TRPV1: variants seen among roughly 807,000 people sequenced by gnomAD.
TRPV1 encodes transient receptor potential cation channel subfamily V member 1.
A neutral mutation model predicts 82.3 loss-of-function variants in TRPV1; 82 were observed. That is an observed-to-expected ratio of 1.00 (90% CI 0.83 to 1.20). The LOEUF (loss-of-function observed/expected upper bound fraction) is 1.20, where lower values mean the gene tolerates loss of function less well. TRPV1 is among the 50% of genes most tolerant of loss of function. The pLI is 0.00. For synonymous variants in TRPV1, 515 were observed against 467.7 expected (o/e 1.10, Z -1.30); for missense variants, 1,067 against 1,096.8 (o/e 0.97, Z 0.38).
chr17:3,587,948 G>T (rs2075104570), intron 8 of TRPV1, among the ~76,000 whole-genome samples: 2 of 152,200 alleles, frequency 1.3e-5, no homozygotes, highest in African/African-American at 4.8e-5. Flanking sequence ...TAAAAGGAGG[G>T]TCCTTTTGTC....
Position 3,573,655 on chromosome 17 carries a change from C to A in TRPV1, c.2081G>T (p.Ser694Ile), listed in dbSNP as rs895233659. The stretch of plus-strand genomic sequence containing the variant: ...CACCTGCAGCTTCCAGATGTTCTTG[C>A]TCTCCTGTGCGATCTTGTTGACAGT... Reference protein sequence around the residue: ...GETVNKIAQESKNIWKLQRAI... With the variant: ...GETVNKIAQEIKNIWKLQRAI... Residue 694 changes from serine to isoleucine, a missense_variant, in exon 14 of 17, where the codon AGC becomes ATC. Ser to Ile is a moderately radical substitution (Grantham distance 142). Transcript: ENST00000572705. 1.2e-6 allele frequency: 2 copies of A among 1,613,294 alleles called. No individual in the cohort carries two copies. Among genetic ancestry groups the A allele is most frequent in the African/African-American group, 1.3e-5 (1 of 74,790 alleles).
chr17:3,597,455 C>T (rs987897311), intron 2 of TRPV1, among the ~76,000 whole-genome samples: 6 of 152,120 alleles, frequency 3.9e-5, no homozygotes, highest in African/African-American at 1.4e-4. Flanking sequence ...TGCTGCCCGC[C>T]ACACAGTACT....
In TRPV1 at chr17:3,591,370, A is replaced by G; in HGVS notation, c.285-17T>C. 6.4e-7 allele frequency: 1 copy of G among 1,553,712 alleles called. No individual in the cohort carries two copies. The highest frequency in any genetic ancestry group is 8.7e-7 in the Non-Finnish European group (1 of 1,152,960). ...GACAGCAGCCTGTGGGCCAGAAAAC[A>G]CGCTCGTCTCATACCCTGGCCTCCC... On this transcript the variant is annotated splice_polypyrimidine_tract_variant and intron_variant, in intron 3 of 16. Transcript: ENST00000572705.
intron 2 of TRPV1, among the ~76,000 whole-genome samples, chr17:3,606,580 G>A (rs2075297676): frequency 6.6e-6 from 1 of 152,164 alleles, no homozygotes. Flanking sequence ...TCAGAAGCAT[G>A]CCGGCCTCAA....
chr17:3,586,371 G>A (rs1225657796), intron 8 of TRPV1, among the ~76,000 whole-genome samples: 2 of 152,224 alleles, frequency 1.3e-5, no homozygotes, highest in African/African-American at 4.8e-5. Context: ...AGGGCGGCAG[G>A]GAGGCAGGGA....
intron 15 of TRPV1, 93 bp from the exon 16 acceptor site, chr17:3,571,732 A>T (rs1298497842): frequency 7.2e-6 from 7 of 969,974 alleles, no homozygotes; most frequent in African/African-American, 3.2e-5. Context: ...AAACCCACCC[A>T]TCAGGATGGA....
At chr17:3,587,905 A>G (rs963103978) in intron 8 of TRPV1, among the ~76,000 whole-genome samples, 1 of 152,172 alleles carries the variant, frequency 6.6e-6, no homozygotes, top group Non-Finnish European at 1.5e-5. Context: ...TCATTTATGT[A>G]AACAAAATGA....
intron 2 of TRPV1, among the ~76,000 whole-genome samples, chr17:3,601,029 C>A (rs375300345): frequency 6.6e-6 from 1 of 152,094 alleles, no homozygotes; most frequent in Non-Finnish European, 1.5e-5. Flanking sequence ...GCCCCCTCCC[C>A]CCAGCATAAC....
At chr17:3,573,106 G>GA (rs2150827210) in intron 14 of TRPV1, among the ~76,000 whole-genome samples, 1 of 152,154 alleles carries the variant, frequency 6.6e-6, no homozygotes, top group South Asian at 2.1e-4. Context: ...CAGAGAAAGT[G>GA]CTTCTTCATA....
At chr17:3,567,703 C>G (rs17632843) in intron 16 of TRPV1, among the ~76,000 whole-genome samples, 42,285 of 150,910 alleles carry the variant, frequency 0.28, 6,210 homozygotes, top group Non-Finnish European at 0.33. Context: ...TGACGAGCAC[C>G]AGCCAAAGAG....
In TRPV1 at chr17:3,577,121, A is replaced by C; in HGVS notation, c.1780+5T>G. ...CCCTCCCCCAGCGCTGACCAAGCTCATTACCTGTGGAAAACCCGAACAAGA... is the reference window on the plus strand; with the variant it reads ...CCCTCCCCCAGCGCTGACCAAGCTCCTTACCTGTGGAAAACCCGAACAAGA... On this transcript the variant is annotated splice_donor_5th_base_variant and intron_variant, in intron 13 of 16. Coordinates refer to ENST00000572705, the MANE Select transcript of TRPV1 (RefSeq NM_080704.4). 1 of 1,581,570 alleles carries C rather than the reference A, an allele frequency of 6.3e-7. No homozygotes were observed. The highest frequency in any genetic ancestry group is 2.3e-5 in the East Asian group (1 of 43,146).
chr17:3,568,769 C>T (rs993539262), intron 16 of TRPV1, among the ~76,000 whole-genome samples: 2 of 152,172 alleles, frequency 1.3e-5, no homozygotes, highest in South Asian at 2.1e-4. Context: ...AGGCAAGGCA[C>T]GGTGGCTCGC....
At chr17:3,576,320 C>A (rs1361550493) in intron 13 of TRPV1, among the ~76,000 whole-genome samples, 1 of 151,678 alleles carries the variant, frequency 6.6e-6, no homozygotes, top group Non-Finnish European at 1.5e-5. Flanking sequence ...GAGTTTGAGA[C>A]CAGCCTGGCC....
At position 3,598,768 on chromosome 17, in the gene TRPV1, G is replaced by A. The variant is rs192377537; in HGVS notation, c.-33-6385C>T. On this transcript the variant is annotated intron_variant, in intron 2 of 16. Coordinates refer to ENST00000572705, the MANE Select transcript of TRPV1 (RefSeq NM_080704.4). ...TTCAGTAGAGGCTGGGTTTCACCATGTTGGTCAGGCCTGGTCTCAAACTCC... is the reference window on the plus strand; with the variant it reads ...TTCAGTAGAGGCTGGGTTTCACCATATTGGTCAGGCCTGGTCTCAAACTCC... 3.5e-3 allele frequency among the ~76,000 whole-genome samples: 526 copies of A among 151,104 alleles called. 5 individuals carry two copies. The highest frequency in any genetic ancestry group is 0.012 in the African/African-American group (484 of 41,264).
chr17:3,598,328 A>G (rs1021470457), intron 2 of TRPV1, among the ~76,000 whole-genome samples: 5 of 152,138 alleles, frequency 3.3e-5, no homozygotes, highest in African/African-American at 7.2e-5. Context: ...CACCCCATCA[A>G]TTCCGCACAG....
chr17:3,569,521 C>A (rs768759612), intron 16 of TRPV1, among the ~76,000 whole-genome samples: 4 of 152,238 alleles, frequency 2.6e-5, no homozygotes, highest in South Asian at 2.1e-4. Context: ...TGCCTAGGGA[C>A]ATTTCCCCAA....
intron 13 of TRPV1, 113 bp downstream of exon 13, chr17:3,577,013 G>A: frequency 4.6e-6 from 5 of 1,086,858 alleles, no homozygotes; most frequent in Non-Finnish European, 6.7e-6. Context: ...TCAGTCACCT[G>A]CAGACATGCA....
chr17:3,573,550 C>CCCCCCCCCCCCCCCCCCCCCT, intron 14 of TRPV1, 83 bp downstream of exon 14: 1 of 574,538 alleles, frequency 1.7e-6, no homozygotes, highest in South Asian at 6.7e-5. Context: ...CACCCACCCA[C>CCCCCCCCCCCCCCCCCCCCCT]CTGCAGCCAG....
rs780956476 is a variant in TRPV1 at position 3,591,082 on chromosome 17, G to A, written c.486C>T (p.Ala162=). The part of the protein sequence containing the change: ...PETGKTCLLK[A]MLNLHDGQNT... ...TCTGTCCGTCGTGCAGGTTGAGCATGGCTTTCAGCAGACAGGTCTTCCCTG... is the reference window on the plus strand; with the variant it reads ...TCTGTCCGTCGTGCAGGTTGAGCATAGCTTTCAGCAGACAGGTCTTCCCTG... The change falls in exon 5 of 17, where the codon GCC becomes GCT. Residue 162 remains alanine, a synonymous_variant. Coordinates refer to ENST00000572705, the MANE Select transcript of TRPV1 (RefSeq NM_080704.4). 3 of 1,613,234 alleles carry A rather than the reference G, an allele frequency of 1.9e-6. No homozygotes were observed. The South Asian group carries it at 3.3e-5, about 18-fold the overall frequency.
Sources: allele counts gnomAD v4.1 joint callset (sites outside exome capture counted in the v4.1 genomes callset), GRCh38; gene constraint gnomAD v4.1.1; transcripts MANE v1.5; gene names NCBI Gene and HGNC (gene_info 2026-07-23, HGNC 2026-07-21).